Variants in NPAS4 observed in about 807,000 individuals in gnomAD.
The protein encoded by NPAS4 is neuronal PAS domain-containing protein 4.
A neutral mutation model predicts 64.0 loss-of-function variants in NPAS4; 10 were observed. The ratio of observed to expected loss-of-function variants is 0.16; its 90% CI spans 0.10 to 0.26. NPAS4 has a LOEUF of 0.26. NPAS4 is among the 10% of genes least tolerant of loss of function. The probability of loss-of-function intolerance (pLI) is 1.00; values close to 1 mark genes in which losing one functional copy is unlikely to be tolerated. For missense variants in NPAS4, 886 were observed against 992.6 expected, an observed-to-expected ratio of 0.89 and a Z score of 1.44; for synonymous variants, 441 against 411.7, an observed-to-expected ratio of 1.07 and a Z score of -0.86.
At position 66,424,908 on chromosome 11, in the gene NPAS4, C is replaced by T. The variant is rs1311341060; in HGVS notation, c.2018C>T (p.Ser673Phe). 1.2e-6 allele frequency: 2 copies of T among 1,613,744 alleles called. No individual in the cohort carries two copies. Among genetic ancestry groups the T allele is most frequent in the African/African-American group, 1.3e-5 (1 of 74,938 alleles). Residue 673 changes from serine to phenylalanine, a missense_variant, in exon 7 of 8, where the codon TCC becomes TTC. By Grantham distance (155) the Ser-to-Phe change is radical. Transcript: ENST00000311034. ...GGLEPLDSNL[S>F]LSGAGPPVLS... is the part of the protein sequence containing the mutation. ...CTGGAGCCCCTGGACTCCAACCTGT[C>T]CCTGTCAGGGGCAGGCCCCCCTGTG...
intron 5 of NPAS4, 59 bp downstream of exon 5, chr11:66,423,291 A>C: frequency 8.7e-7 from 1 of 1,152,504 alleles, no homozygotes; most frequent in Non-Finnish European, 1.3e-6. Context: ...ATGGGAGACC[A>C]GACAAAGAAT....
upstream of NPAS4, among the ~76,000 whole-genome samples, chr11:66,417,641 T>A (rs1217206092): frequency 6.6e-6 from 1 of 152,082 alleles, no homozygotes; most frequent in African/African-American, 2.4e-5. Flanking sequence ...GAAGCTATAT[T>A]GAGTCTGGGG....
At chr11:66,421,678 G>A (rs1287912962) in intron 1 of NPAS4, among the ~76,000 whole-genome samples, 3 of 152,372 alleles carry the variant, frequency 2.0e-5, no homozygotes, top group Non-Finnish European at 4.4e-5. Context: ...AAGTTGCAGG[G>A]ATGGAGCTGC....
At chr11:66,409,203 C>T in the NPAS4 span, 1 of 149,294 alleles carries the variant, frequency 6.7e-6, no homozygotes, top group Non-Finnish European at 1.5e-5. Context: ...TGGGAGCTGC[C>T]CCCGCCCCCG....
At chr11:66,420,833 C>G (rs117297304), upstream of NPAS4, among the ~76,000 whole-genome samples, 4,328 of 152,302 alleles carry the variant, frequency 0.028, 100 homozygotes, top group Non-Finnish European at 0.046. Context: ...CCTGCTCCCC[C>G]CTCGCCCGCC....
At chr11:66,423,289 C>T in intron 5 of NPAS4, 57 bp downstream of exon 5, 1 of 1,164,422 alleles carries the variant, frequency 8.6e-7, no homozygotes, top group Non-Finnish European at 1.3e-6. Context: ...GCATGGGAGA[C>T]CAGACAAAGA....
In NPAS4 at chr11:66,423,225, C is replaced by T. The variant is rs2134644334; in HGVS notation, c.801C>T (p.Tyr267=). The change falls in exon 5 of 8, where the codon TAC becomes TAT. Residue 267 remains tyrosine (Y), a synonymous_variant. Transcript: ENST00000311034. ...EDLAHASAQH[Y]RLLAESGDIQ... ...TGGCCCACGCTTCTGCTCAACACTA[C>T]CGCCTGTGTGAGTGTCCAGAGAGGC... 3 of 1,597,380 alleles carry T rather than the reference C, an allele frequency of 1.9e-6. No homozygotes were observed. The highest frequency in any genetic ancestry group is 2.6e-6 in the Non-Finnish European group (3 of 1,167,836).
the NPAS4 span, chr11:66,410,417 A>G: frequency 5.9e-5 from 9 of 152,212 alleles, no homozygotes; most frequent in East Asian, 1.9e-4. Flanking sequence ...GGGACCTTGA[A>G]TGGTGCTTTA....
In NPAS4 at chr11:66,426,118, C is replaced by G; in HGVS notation, c.*129C>G. 1 of 470,806 alleles carries G rather than the reference C, an allele frequency of 2.1e-6. No individual in the cohort carries two copies. The highest frequency in any genetic ancestry group is 4.1e-6 in the Non-Finnish European group (1 of 244,794). 29.2% of individuals were successfully genotyped at this position (470,806 alleles called of 1,614,324 possible). A position where few individuals can be genotyped will look rare whatever the true frequency, so the allele number is the denominator to read the frequency against. ...GGGGATATATATGATTCCCCAGGCC[C>G]TGCAGGATTTTGGGGGGGGGGAGGT... On this transcript the variant is annotated 3_prime_UTR_variant, in exon 8 of 8. Coordinates refer to ENST00000311034, the MANE Select transcript of NPAS4 (RefSeq NM_178864.4).
chr11:66,409,340 C>A, the NPAS4 span: 1 of 151,590 alleles, frequency 6.6e-6, no homozygotes. Flanking sequence ...GCCCTTGCCC[C>A]TCGCCCCCGC....
At chr11:66,414,792 G>T in the NPAS4 span, among the ~76,000 whole-genome samples, 1 of 152,272 alleles carries the variant, frequency 6.6e-6, no homozygotes, top group African/African-American at 2.4e-5. Context: ...GGATGGGGAG[G>T]TGCTTAGGAA....
rs144655815 is a variant in NPAS4, at chr11:66,423,734, C to T, written c.944+21C>T. ...ATCAGGTAAGCCACAAGCCAGGGGA[C>T]TAGGGGGCAGCTGAGGTCGTCATGG... On this transcript the variant is annotated intron_variant, in intron 6 of 7. Coordinates refer to ENST00000311034, the MANE Select transcript of NPAS4 (RefSeq NM_178864.4). 9.0e-5 allele frequency: 145 copies of T among 1,613,788 alleles called. No homozygotes were observed. In the East Asian group the frequency reaches 3.0e-3, roughly 33 times the overall value.
In NPAS4 at chr11:66,424,147, T is replaced by C; in HGVS notation, c.1257T>C (p.Asp419=). The part of the protein sequence containing the change: ...EPSLQAELSK[D]LVCTPPYTPH... Reference sequence around the variant, plus strand: ...CTCTCCAAGCAGAACTAAGCAAGGATCTTGTGTGCACTCCACCTTACACGC... The same window carrying C: ...CTCTCCAAGCAGAACTAAGCAAGGACCTTGTGTGCACTCCACCTTACACGC... The change falls in exon 7 of 8, where the codon GAT becomes GAC. Residue 419 remains aspartate, a synonymous_variant. Coordinates refer to ENST00000311034, the MANE Select transcript of NPAS4 (RefSeq NM_178864.4). The C allele has an allele frequency of 6.2e-7, 1 of 1,614,004 alleles. No homozygotes were observed. The highest frequency in any genetic ancestry group is 8.5e-7 in the Non-Finnish European group (1 of 1,179,994).
chr11:66,422,215 G>A lies in NPAS4; in HGVS notation c.271G>A (p.Glu91Lys), dbSNP rs1484647761. The A allele has an allele frequency of 1.2e-6, 2 of 1,613,922 alleles. No homozygotes were observed. Among genetic ancestry groups the A allele is most frequent in the Non-Finnish European group, 1.7e-6 (2 of 1,180,010 alleles). ...LPGFLLVFTA[E>K]GKLLYLSESV... is the part of the protein sequence containing the mutation. ...CGGCTTTCTGCTTGTGTTCACAGCC[G>A]AGGGGAAATTGCTCTACCTGTCTGA... Residue 91 changes from glutamate (E) to lysine (K), a missense_variant, in exon 2 of 8, where the codon GAG becomes AAG. Glu to Lys is a moderately conservative substitution (Grantham distance 56, BLOSUM62 1). Around this residue, in one of 3 missense-constraint regions of NPAS4, gnomAD observed 820 missense variants for 855.5 expected, o/e 0.96. Transcript: ENST00000311034.
At chr11:66,417,985 A>AAC (rs1366365624), upstream of NPAS4, among the ~76,000 whole-genome samples, 10 of 151,672 alleles carry the variant, frequency 6.6e-5, no homozygotes, top group East Asian at 5.8e-4. Flanking sequence ...CAGTCAAATG[A>AAC]ACACACACAC....
chr11:66,411,157 C>T, the NPAS4 span, among the ~76,000 whole-genome samples: 1 of 152,178 alleles, frequency 6.6e-6, no homozygotes, highest in Non-Finnish European at 1.5e-5. Flanking sequence ...CAGGCCCACT[C>T]GGACCCCAGC....
At chr11:66,423,735 TA>T in intron 6 of NPAS4, 22 bp downstream of exon 6, 1 of 1,613,834 alleles carries the variant, frequency 6.2e-7, no homozygotes, top group South Asian at 1.1e-5. Context: ...GCCAGGGGAC[TA>T]GGGGGCAGCT....
At chr11:66,415,305 G>C in the NPAS4 span, among the ~76,000 whole-genome samples, 1 of 152,166 alleles carries the variant, frequency 6.6e-6, no homozygotes, top group Non-Finnish European at 1.5e-5. Context: ...TTGTCCAGGA[G>C]CACTACTTCT....
intron 3 of NPAS4, 24 bp from the exon 4 acceptor site, chr11:66,422,648 ATC>A: frequency 6.2e-7 from 1 of 1,611,998 alleles, no homozygotes; most frequent in Non-Finnish European, 8.5e-7. Flanking sequence ...TCACCCTCTT[ATC>A]TGTTTTTCTC....
Sources: gnomAD v4.1 joint callset for allele counts (sites outside exome capture counted in the v4.1 genomes callset) on GRCh38, gnomAD v4.1.1 for gene constraint, gnomAD v4.1.1 regional missense constraint, MANE v1.5 for transcripts, NCBI Gene and HGNC (gene_info 2026-07-23, HGNC 2026-07-21) for gene names.